Variants in ATRNL1 observed in about 807,000 individuals in gnomAD.
ATRNL1 encodes attractin like 1.
ATRNL1 carries 95 observed loss-of-function variants against 182.7 expected under a neutral mutation model. That is an observed-to-expected ratio of 0.52 (90% CI 0.44 to 0.62). ATRNL1 has a LOEUF of 0.62. Among genes scored for constraint, ATRNL1 ranks in the 20% least tolerant of loss-of-function variants. The pLI, the probability that ATRNL1 is intolerant of heterozygous loss-of-function variation, is 0.00. For synonymous variants in ATRNL1, 576 were observed against 568.3 expected, an observed-to-expected ratio of 1.01 and a Z score of -0.19; for missense variants, 1,471 against 1,679.5, an observed-to-expected ratio of 0.88 and a Z score of 2.17.
intron 1 of ATRNL1, among the ~76,000 whole-genome samples, chr10:115,119,342 A>ATGTG (rs138144661): frequency 3.0e-4 from 45 of 151,654 alleles, no homozygotes; most frequent in African/African-American, 1.1e-3. Context: ...TGATATGTAT[A>ATGTG]TGTGTGTGTG....
chr10:115,690,303 A>G (rs1555047670), intron 26 of ATRNL1, among the ~76,000 whole-genome samples: 2 of 152,026 alleles, frequency 1.3e-5, no homozygotes, highest in Admixed American at 6.6e-5. Context: ...GGGGGGAGAT[A>G]CTTTCAGGAT....
chr10:115,611,809 G>A (rs915661408), intron 26 of ATRNL1, among the ~76,000 whole-genome samples: 2 of 152,154 alleles, frequency 1.3e-5, no homozygotes, highest in African/African-American at 4.8e-5. Flanking sequence ...TTGACGGGAT[G>A]TGTTAATCAG....
intron 15 of ATRNL1, among the ~76,000 whole-genome samples, chr10:115,297,174 G>A (rs1344216749): frequency 6.6e-6 from 1 of 152,160 alleles, no homozygotes; most frequent in African/African-American, 2.4e-5. Flanking sequence ...TAGAGGATAA[G>A]ATATATGAGG....
intron 1 of ATRNL1, among the ~76,000 whole-genome samples, chr10:115,110,278 T>G (rs907298800): frequency 1.3e-5 from 2 of 152,176 alleles, no homozygotes; most frequent in African/African-American, 4.8e-5. Context: ...ATGAGCCCTT[T>G]AAAAGCAGAG....
rs140174420 is a variant in ATRNL1, at chr10:115,796,852, A to G, written c.3904-51025A>G. On this transcript the variant is annotated intron_variant, in intron 27 of 28. Coordinates refer to ENST00000355044, the MANE Select transcript of ATRNL1 (RefSeq NM_207303.4). ...ATTAAATCTATTGATTTATTTTGAA[A>G]TCATAAACTTAAAAAGAGCAATGTT... is the stretch of plus-strand genomic sequence containing the variant. 2.8e-3 allele frequency among the ~76,000 whole-genome samples: 426 copies of G among 152,346 alleles called. 1 individual carries two copies. The highest frequency in any genetic ancestry group is 0.01 in the African/African-American group (417 of 41,584).
At chr10:115,389,129 T>C (rs1843829710) in intron 19 of ATRNL1, among the ~76,000 whole-genome samples, 1 of 152,168 alleles carries the variant, frequency 6.6e-6, no homozygotes, top group Non-Finnish European at 1.5e-5. Context: ...TGATATTTTT[T>C]AGATCCCACA....
chr10:115,581,134 A>C (rs1855047474), intron 26 of ATRNL1, among the ~76,000 whole-genome samples: 1 of 152,180 alleles, frequency 6.6e-6, no homozygotes, highest in South Asian at 2.1e-4. Flanking sequence ...TCTGTAAGAC[A>C]ACTGTCTCTC....
chr10:115,157,235 A>C (rs1349314925), intron 5 of ATRNL1, among the ~76,000 whole-genome samples: 1 of 152,098 alleles, frequency 6.6e-6, no homozygotes, highest in African/African-American at 2.4e-5. Context: ...TCAGAAAAAA[A>C]ATTTTAAAAA....
chr10:115,387,367 A>G (rs1858422873), intron 19 of ATRNL1, among the ~76,000 whole-genome samples: 1 of 152,078 alleles, frequency 6.6e-6, no homozygotes, highest in African/African-American at 2.4e-5. Flanking sequence ...TATCTCTGAT[A>G]TTTTTCCTAC....
intron 24 of ATRNL1, among the ~76,000 whole-genome samples, chr10:115,508,745 A>G (rs1554981928): frequency 2.0e-5 from 3 of 152,036 alleles, no homozygotes; most frequent in African/African-American, 7.2e-5. Flanking sequence ...TTTGGAAGCC[A>G]GAAGAAGGTG....
chr10:115,776,906 C>A (rs1949141611), intron 27 of ATRNL1, among the ~76,000 whole-genome samples: 1 of 152,146 alleles, frequency 6.6e-6, no homozygotes, highest in Non-Finnish European at 1.5e-5. Flanking sequence ...CCTGTAATCC[C>A]AGCACTTTGG....
chr10:115,544,266 C>T (rs1554992954), intron 25 of ATRNL1, among the ~76,000 whole-genome samples: 2 of 152,108 alleles, frequency 1.3e-5, no homozygotes, highest in Admixed American at 6.6e-5. Flanking sequence ...TAAAAGTTTA[C>T]AATGCTTCTG....
rs77637420 is a variant in ATRNL1 at position 115,166,460 on chromosome 10, T to C, written c.1092+815T>C. Among the ~76,000 whole-genome samples the C allele has an allele frequency of 1.1e-3, 158 of 148,122 alleles. 1 individual carries two copies. Among genetic ancestry groups the C allele is most frequent in the African/African-American group, 3.8e-3 (153 of 40,748 alleles). ...ATCGTATGGTAATTCTATGTTTAAT[T>C]TTTTTTTTTTTTAGCACTGCCATAG... On this transcript the variant is annotated intron_variant, in intron 7 of 28. Coordinates refer to ENST00000355044, the MANE Select transcript of ATRNL1 (RefSeq NM_207303.4).
At chr10:115,386,354 G>A (rs548390237) in intron 19 of ATRNL1, among the ~76,000 whole-genome samples, 2 of 152,292 alleles carry the variant, frequency 1.3e-5, no homozygotes, top group African/African-American at 2.4e-5. Flanking sequence ...GGGGGCACCA[G>A]CTGCGGGGGG....
chr10:115,736,488 C>T (rs925816125), intron 27 of ATRNL1, among the ~76,000 whole-genome samples: 7 of 151,808 alleles, frequency 4.6e-5, no homozygotes, highest in Non-Finnish European at 8.8e-5. Context: ...ATTATTTTTA[C>T]GTTGTATCTG....
intron 19 of ATRNL1, among the ~76,000 whole-genome samples, chr10:115,377,911 G>A (rs1035554956): frequency 3.3e-5 from 5 of 152,060 alleles, no homozygotes; most frequent in Admixed American, 6.5e-5. Context: ...TGGTTGGTAG[G>A]GCTTACACTG....
chr10:115,853,818 G>A (rs1951111593), intron 28 of ATRNL1, among the ~76,000 whole-genome samples: 1 of 152,158 alleles, frequency 6.6e-6, no homozygotes, highest in African/African-American at 2.4e-5. Context: ...ATTAGGCAGA[G>A]AGCCCAGGAA....
At chr10:115,550,048 G>A (rs185607404) in intron 26 of ATRNL1, among the ~76,000 whole-genome samples, 2 of 151,718 alleles carry the variant, frequency 1.3e-5, no homozygotes, top group African/African-American at 4.8e-5. Context: ...ATAAATTTCT[G>A]TATTAGAATT....
chr10:115,427,865 C>G (rs115935753), intron 21 of ATRNL1, among the ~76,000 whole-genome samples: 1,890 of 150,042 alleles, frequency 0.013, 32 homozygotes, highest in African/African-American at 0.043. Flanking sequence ...TATTCTCCAA[C>G]TTTGTTCTTC....
Sources: allele counts gnomAD v4.1 joint callset (sites outside exome capture counted in the v4.1 genomes callset), GRCh38; gene constraint gnomAD v4.1.1; transcripts MANE v1.5; gene names NCBI Gene and HGNC (gene_info 2026-07-23, HGNC 2026-07-21).